Variants in DPYSL2 observed in about 807,000 individuals in gnomAD.
The protein encoded by DPYSL2 is dihydropyrimidinase like 2.
Under a neutral mutation model 69.9 loss-of-function variants are expected in DPYSL2, and 13 were observed. The ratio of observed to expected loss-of-function variants is 0.19; its 90% CI spans 0.12 to 0.30. The LOEUF is 0.30. Among genes scored for constraint, DPYSL2 ranks in the 10% least tolerant of loss-of-function variants. The pLI is 1.00. For synonymous variants in DPYSL2, 326 were observed against 359.1 expected, an observed-to-expected ratio of 0.91 and a Z score of 1.04; for missense variants, 587 against 918.9, an observed-to-expected ratio of 0.64 and a Z score of 4.67.
At position 26,653,256 on chromosome 8, in the gene DPYSL2, C is replaced by T. The variant is rs750964772; in HGVS notation, c.1801C>T (p.Arg601Cys). ...SRLAELRGVP[R>C]GLYDGPVCEV... ...GCTGGCTGAGCTGAGAGGGGTTCCT[C>T]GTGGCCTGTATGACGGACCTGTGTG... is the stretch of plus-strand genomic sequence containing the variant. Residue 601 changes from arginine (R) to cysteine (C), a missense_variant, in exon 13 of 14, where the codon CGT becomes TGT. Physicochemically the swap from Arg to Cys is radical, Grantham distance 180. Around this residue, in one of 3 missense-constraint regions of DPYSL2, gnomAD observed 452 missense variants for 754.3 expected, o/e 0.60. Transcript: ENST00000521913. The surrounding 1 kb of genome is among the most constrained non-coding windows in gnomAD (Gnocchi z 5.7). 5 of 1,613,904 alleles carry T rather than the reference C, an allele frequency of 3.1e-6. No individual in the cohort carries two copies. Among genetic ancestry groups the T allele is most frequent in the Non-Finnish European group, 4.2e-6 (5 of 1,179,952 alleles).
At chr8:26,631,427 A>C (rs926603383) in intron 7 of DPYSL2, among the ~76,000 whole-genome samples, 1 of 152,182 alleles carries the variant, frequency 6.6e-6, no homozygotes, top group Non-Finnish European at 1.5e-5. Context: ...CAAGATCTGC[A>C]TGGGGGAAAC....
chr8:26,563,419 T>C (rs763486195), intron 1 of DPYSL2, among the ~76,000 whole-genome samples: 1 of 152,258 alleles, frequency 6.6e-6, no homozygotes, highest in Non-Finnish European at 1.5e-5. Context: ...AAAAATTGAA[T>C]TGAAGCCCCA....
At position 26,533,479 on chromosome 8, in the gene DPYSL2, G is replaced by T. The variant is rs948138046; in HGVS notation, c.354+18800G>T. On this transcript the variant is annotated intron_variant, in intron 1 of 13. Coordinates refer to ENST00000521913, the MANE Select transcript of DPYSL2 (RefSeq NM_001197293.3). The surrounding 1 kb of genome is among the most constrained non-coding windows in gnomAD (Gnocchi z 4.8). The stretch of plus-strand genomic sequence containing the variant: ...AAGACTTACCCCTGTGTTTTCTCCT[G>T]GATGTTTCATAGTTTTTGCTTTTAC... Among the ~76,000 whole-genome samples, 5 of 152,064 alleles carry T rather than the reference G, an allele frequency of 3.3e-5. No individual in the cohort carries two copies. The highest frequency in any genetic ancestry group is 1.2e-4 in the African/African-American group (5 of 41,404).
At position 26,592,557 on chromosome 8, in the gene DPYSL2, C is replaced by T. The variant is rs545686864; in HGVS notation, c.628+8574C>T. Reference sequence around the variant, plus strand: ...ATGGCGCAGTCTTGGCTCACTGCAACCTCCACCTCCCAGGTACAAGCCATT... The same window carrying T: ...ATGGCGCAGTCTTGGCTCACTGCAATCTCCACCTCCCAGGTACAAGCCATT... On this transcript the variant is annotated intron_variant, in intron 3 of 13. Coordinates refer to ENST00000521913, the MANE Select transcript of DPYSL2 (RefSeq NM_001197293.3). 5.9e-4 allele frequency among the ~76,000 whole-genome samples: 90 copies of T among 151,390 alleles called. 1 individual carries two copies. The highest frequency in any genetic ancestry group is 8.6e-4 in the Admixed American group (13 of 15,180).
In DPYSL2 at chr8:26,644,596, C is replaced by T. The variant is rs116302195; in HGVS notation, c.1425+505C>T. 2.1e-3 allele frequency among the ~76,000 whole-genome samples: 315 copies of T among 152,106 alleles called. 1 individual carries two copies. Among genetic ancestry groups the T allele is most frequent in the African/African-American group, 7.0e-3 (291 of 41,500 alleles). ...CTGGGATTACAGGTGTGAGCCACCA[C>T]GCCTGGCTTACCTGTATATTTCTTA... On this transcript the variant is annotated intron_variant, in intron 10 of 13. Coordinates refer to ENST00000521913, the MANE Select transcript of DPYSL2 (RefSeq NM_001197293.3). This position sits in a 1 kb window ranked among gnomAD's most constrained non-coding sequence, Gnocchi z 4.5.
chr8:26,604,658 T>A (rs1379343153), intron 3 of DPYSL2, among the ~76,000 whole-genome samples: 1 of 143,122 alleles, frequency 7.0e-6, no homozygotes, highest in Admixed American at 7.0e-5. Context: ...CAAGTCTTGC[T>A]TTTTTTTTTT....
intron 1 of DPYSL2, among the ~76,000 whole-genome samples, chr8:26,546,332 T>A (rs1400779919): frequency 1.3e-5 from 2 of 152,246 alleles, no homozygotes; most frequent in African/African-American, 4.8e-5. Context: ...CTTTTGTATA[T>A]TAACCTTGTA....
chr8:26,596,314 C>T (rs12550663), intron 3 of DPYSL2, among the ~76,000 whole-genome samples: 12,029 of 152,290 alleles, frequency 0.079, 579 homozygotes, highest in South Asian at 0.2. Context: ...CTTGTCCAAA[C>T]GAATACACTT....
At chr8:26,622,010 A>T (rs1392210261) in intron 3 of DPYSL2, among the ~76,000 whole-genome samples, 1 of 152,106 alleles carries the variant, frequency 6.6e-6, no homozygotes, top group Non-Finnish European at 1.5e-5. Flanking sequence ...AAGCCAGGGG[A>T]GTGGGTAGGG....
chr8:26,578,648 ATTG>A, intron 1 of DPYSL2: 3 of 1,100,960 alleles, frequency 2.7e-6, no homozygotes, highest in Non-Finnish European at 3.4e-6. Flanking sequence ...GAGCTCGGAT[ATTG>A]TTCTCTGGGC....
chr8:26,556,081 G>GTA (rs1421989879), intron 1 of DPYSL2, among the ~76,000 whole-genome samples: 1 of 59,988 alleles, frequency 1.7e-5, no homozygotes, highest in Non-Finnish European at 3.0e-5. Context: ...ACTATATATA[G>GTA]TATATACTAT....
chr8:26,557,426 G>A (rs542856361), intron 1 of DPYSL2, among the ~76,000 whole-genome samples: 4 of 151,932 alleles, frequency 2.6e-5, no homozygotes, highest in African/African-American at 4.8e-5. Context: ...ATGTACTCAC[G>A]GCAAATAAGC....
At chr8:26,623,083 G>A (rs1265230030) in intron 3 of DPYSL2, among the ~76,000 whole-genome samples, 5 of 152,174 alleles carry the variant, frequency 3.3e-5, no homozygotes, top group Admixed American at 3.3e-4. Context: ...TAATCCTCCT[G>A]CCATCATGTT....
chr8:26,554,028 T>C (rs1800907258), intron 1 of DPYSL2, among the ~76,000 whole-genome samples: 1 of 151,764 alleles, frequency 6.6e-6, no homozygotes, highest in Non-Finnish European at 1.5e-5. Flanking sequence ...TAGCTGGGGT[T>C]ACACATGCCC....
chr8:26,647,801 G>A lies in DPYSL2; in HGVS notation c.1596+1G>A. 2 of 1,611,450 alleles carry A rather than the reference G, an allele frequency of 1.2e-6. No individual in the cohort carries two copies. Among genetic ancestry groups the A allele is most frequent in the Non-Finnish European group, 8.5e-7 (1 of 1,178,610 alleles). On this transcript the variant is annotated splice_donor_variant, in intron 11 of 13. Coordinates refer to ENST00000521913, the MANE Select transcript of DPYSL2 (RefSeq NM_001197293.3). LOFTEE classifies it high-confidence loss of function. This position sits in a 1 kb window ranked among gnomAD's most constrained non-coding sequence, Gnocchi z 5.1. ...CATCTCTGCCAAGACACACAACAGC[G>A]TAAGACCTGTTAACTGTGCAGACCC...
chr8:26,583,742 A>G, intron 2 of DPYSL2, 57 bp from the exon 3 acceptor site: 3 of 1,501,048 alleles, frequency 2.0e-6, no homozygotes, highest in Non-Finnish European at 2.7e-6. Context: ...TAGCTGTCAG[A>G]TCCCATTTGA....
rs1343386409 is a variant in DPYSL2, at chr8:26,642,105, G to C, written c.1127-1334G>C. Among the ~76,000 whole-genome samples the C allele has an allele frequency of 2.0e-5, 3 of 152,224 alleles. No homozygotes were observed. Among genetic ancestry groups the C allele is most frequent in the African/African-American group, 4.8e-5 (2 of 41,452 alleles). On this transcript the variant is annotated intron_variant, in intron 8 of 13. Coordinates refer to ENST00000521913, the MANE Select transcript of DPYSL2 (RefSeq NM_001197293.3). This position sits in a 1 kb window ranked among gnomAD's most constrained non-coding sequence, Gnocchi z 5.3. Reference sequence around the variant, plus strand: ...GAGCTAGTGAGAGATGAATTCAGCTGACCTGGGATCAAATTCCAGCTTGGA... The same window carrying C: ...GAGCTAGTGAGAGATGAATTCAGCTCACCTGGGATCAAATTCCAGCTTGGA...
rs144897933 is a variant in DPYSL2, at chr8:26,599,001, G to A, written c.628+15018G>A. On this transcript the variant is annotated intron_variant, in intron 3 of 13. Coordinates refer to ENST00000521913, the MANE Select transcript of DPYSL2 (RefSeq NM_001197293.3). ...TTGTGAAGGAAGCTCGTTCTCTACC[G>A]AAAAGCTCACTTTTCAGAGAAGAGC... Among the ~76,000 whole-genome samples the A allele has an allele frequency of 6.7e-3, 1,025 of 152,326 alleles. 15 individuals carry two copies. Among genetic ancestry groups the A allele is most frequent in the African/African-American group, 0.023 (956 of 41,568 alleles).
Position 26,523,073 on chromosome 8 carries a change from C to A in DPYSL2, c.354+8394C>A, listed in dbSNP as rs552245283. Among the ~76,000 whole-genome samples the A allele has an allele frequency of 5.3e-5, 8 of 151,822 alleles. 1 individual carries two copies. Among genetic ancestry groups the A allele is most frequent in the African/African-American group, 1.9e-4 (8 of 41,420 alleles). On this transcript the variant is annotated intron_variant, in intron 1 of 13. Coordinates refer to ENST00000521913, the MANE Select transcript of DPYSL2 (RefSeq NM_001197293.3). ...TTTTGTGCACTGAATAAGCCTGATT[C>A]TTCTATCTGAAGATCTTGTTCATAT...
Sources: allele counts gnomAD v4.1 joint callset (sites outside exome capture counted in the v4.1 genomes callset), GRCh38; gene constraint gnomAD v4.1.1; regional missense constraint gnomAD v4.1.1; non-coding constraint Gnocchi (gnomAD v3.1); transcripts MANE v1.5; gene names NCBI Gene and HGNC (gene_info 2026-07-23, HGNC 2026-07-21).